MTUS2: variants seen among roughly 807,000 people sequenced by gnomAD.
MTUS2 encodes microtubule associated scaffold protein 2.
In MTUS2, 40 loss-of-function variants were observed where a neutral mutation model predicts 114.1. The ratio of observed to expected loss-of-function variants is 0.35; its 90% confidence interval spans 0.27 to 0.46. The LOEUF (loss-of-function observed/expected upper bound fraction) is 0.46, where lower values mean the gene tolerates loss of function less well. Ranked by LOEUF, MTUS2 falls within the 20% of genes least tolerant of loss-of-function variation. The pLI, the probability that MTUS2 is intolerant of heterozygous loss-of-function variation, is 1.00. For synonymous variants in MTUS2, 688 were observed against 672.0 expected (o/e 1.02, Z -0.37); for missense variants, 1,679 against 1,705.4 (o/e 0.98, Z 0.27).
chr13:28,983,024 C>A (rs1317553641), intron 2 of MTUS2, among the ~76,000 whole-genome samples: 1 of 152,130 alleles, frequency 6.6e-6, no homozygotes, highest in Non-Finnish European at 1.5e-5. Context: ...ATTAAAATGG[C>A]AAATTTAATG....
chr13:28,840,995 G>A (rs1239565652), intron 2 of MTUS2, among the ~76,000 whole-genome samples: 4 of 152,138 alleles, frequency 2.6e-5, no homozygotes, highest in African/African-American at 4.8e-5. Context: ...TTTCAGATTC[G>A]CCCTACTTTA....
intron 5 of MTUS2, among the ~76,000 whole-genome samples, chr13:29,167,902 A>G (rs1455347769): frequency 1.3e-5 from 2 of 152,222 alleles, no homozygotes; most frequent in Non-Finnish European, 2.9e-5. Flanking sequence ...TCATGTATGC[A>G]TAATACTGAA....
chr13:29,374,233 A>G (rs1056927812), intron 8 of MTUS2, among the ~76,000 whole-genome samples: 7 of 152,236 alleles, frequency 4.6e-5, no homozygotes, highest in Non-Finnish European at 7.3e-5. Flanking sequence ...TATTTTTGTA[A>G]TAGGCGTTCC....
At chr13:29,430,237 C>G (rs373025031) in intron 8 of MTUS2, among the ~76,000 whole-genome samples, 2 of 152,086 alleles carry the variant, frequency 1.3e-5, no homozygotes, top group South Asian at 2.1e-4. Context: ...AATCCTAATG[C>G]AAAAGTTTTA....
chr13:29,416,082 A>ATTTTTTTTTTT (rs139281629), intron 8 of MTUS2, among the ~76,000 whole-genome samples: 23 of 127,700 alleles, frequency 1.8e-4, no homozygotes, highest in Non-Finnish European at 3.2e-4. Flanking sequence ...CACCCCACTA[A>ATTTTTTTTTTT]TTTTTTTTTT....
intron 4 of MTUS2, among the ~76,000 whole-genome samples, chr13:29,083,770 C>G (rs1331044981): frequency 6.6e-6 from 1 of 152,126 alleles, no homozygotes; most frequent in Non-Finnish European, 1.5e-5. Flanking sequence ...ACTGGTTTTA[C>G]TAGGGGTATG....
In MTUS2 at chr13:29,474,851, A is replaced by G. The variant is rs191809573; in HGVS notation, c.3185-5299A>G. Among the ~76,000 whole-genome samples, 319 of 152,294 alleles carry G rather than the reference A, an allele frequency of 2.1e-3. 2 individuals carry two copies. Among genetic ancestry groups the G allele is most frequent in the African/African-American group, 7.5e-3 (311 of 41,568 alleles). On this transcript the variant is annotated intron_variant, in intron 9 of 15. Transcript: ENST00000612955. ...TCATTTAATTTTTTCATCAATGTGA[A>G]TAAGTTGTTTTTATTCATTTATATG...
intron 9 of MTUS2, among the ~76,000 whole-genome samples, chr13:29,479,925 A>T (rs1283894333): frequency 2.0e-5 from 3 of 152,212 alleles, no homozygotes; most frequent in Non-Finnish European, 4.4e-5. Context: ...ACCTTGGGCA[A>T]GTCTCCAGAC....
At chr13:29,214,014 T>A (rs1460871383) in intron 5 of MTUS2, among the ~76,000 whole-genome samples, 1 of 152,166 alleles carries the variant, frequency 6.6e-6, no homozygotes, top group African/African-American at 2.4e-5. Flanking sequence ...TTCATAATAT[T>A]AATGTATGTT....
At chr13:29,046,104 T>A (rs1034034056) in intron 4 of MTUS2, among the ~76,000 whole-genome samples, 24 of 139,434 alleles carry the variant, frequency 1.7e-4, no homozygotes, top group African/African-American at 6.5e-4. Flanking sequence ...TACTGATTTC[T>A]TGGTTAGTAA....
intron 5 of MTUS2, chr13:29,239,934 G>A (rs879810905): frequency 5.3e-5 from 8 of 150,878 alleles, no homozygotes; most frequent in Non-Finnish European, 1.0e-4. Context: ...CAAGTTTTGG[G>A]GGCCTCACAG....
chr13:29,318,174 C>A (rs535898758), intron 6 of MTUS2, among the ~76,000 whole-genome samples: 1 of 150,682 alleles, frequency 6.6e-6, no homozygotes, highest in Non-Finnish European at 1.5e-5. Context: ...TGTTTCTTAT[C>A]TTTTCTTACT....
intron 8 of MTUS2, among the ~76,000 whole-genome samples, chr13:29,386,976 A>C (rs1426619272): frequency 6.6e-6 from 1 of 152,196 alleles, no homozygotes; most frequent in East Asian, 1.9e-4. Flanking sequence ...AGGGTTTAAA[A>C]GTATAAAGGC....
intron 4 of MTUS2, among the ~76,000 whole-genome samples, chr13:29,075,505 G>C (rs1190498807): frequency 6.6e-6 from 1 of 152,142 alleles, no homozygotes; most frequent in Non-Finnish European, 1.5e-5. Context: ...AGTCTAAGCT[G>C]ACTGTTTCTG....
chr13:29,181,082 G>A (rs1419696190), intron 5 of MTUS2, among the ~76,000 whole-genome samples: 2 of 151,838 alleles, frequency 1.3e-5, no homozygotes, highest in East Asian at 1.9e-4. Flanking sequence ...TCCCCTTTTC[G>A]CCATTTCAAA....
chr13:28,846,579 C>T (rs1238257019), intron 2 of MTUS2, among the ~76,000 whole-genome samples: 1 of 152,162 alleles, frequency 6.6e-6, no homozygotes, highest in African/African-American at 2.4e-5. Context: ...AAATAATATG[C>T]CACTTACAGT....
chr13:28,980,528 TTTTCCTCACTTAAG>T (rs1884312981), intron 2 of MTUS2, among the ~76,000 whole-genome samples: 1 of 152,208 alleles, frequency 6.6e-6, no homozygotes, highest in Non-Finnish European at 1.5e-5. Context: ...TTGTCCTTTG[TTTTCCTCACTTAAG>T]GGTACATCCT....
intron 2 of MTUS2, among the ~76,000 whole-genome samples, chr13:28,981,737 C>T (rs1407930716): frequency 1.3e-5 from 2 of 152,148 alleles, no homozygotes; most frequent in Non-Finnish European, 2.9e-5. Flanking sequence ...GTGCCACTTG[C>T]ACTTTTCTAG....
intron 2 of MTUS2, among the ~76,000 whole-genome samples, chr13:28,948,689 C>T (rs1280990755): frequency 2.0e-5 from 3 of 152,102 alleles, no homozygotes; most frequent in African/African-American, 4.8e-5. Flanking sequence ...TCCAGAGCAC[C>T]GTGATGGAGT....
Sources: allele counts gnomAD v4.1 joint callset (sites outside exome capture counted in the v4.1 genomes callset), GRCh38; gene constraint gnomAD v4.1.1; transcripts MANE v1.5; gene names NCBI Gene and HGNC (gene_info 2026-07-23, HGNC 2026-07-21).